Variants in CNTN1 observed in about 807,000 individuals in gnomAD.
The protein encoded by CNTN1 is contactin 1, also known as contactin-1.
In CNTN1, 38 loss-of-function variants were observed where a neutral mutation model predicts 126.4. That is an observed-to-expected ratio of 0.30 (90% CI 0.23 to 0.39). CNTN1 has a LOEUF of 0.39. CNTN1 is among the 10% of genes least tolerant of loss of function. The pLI is 1.00. For synonymous variants in CNTN1, 413 were observed against 422.6 expected, an observed-to-expected ratio of 0.98 and a Z score of 0.28; for missense variants, 1,009 against 1,248.4, an observed-to-expected ratio of 0.81 and a Z score of 2.89.
At chr12:40,921,378 A>C (rs1475165629) in intron 4 of CNTN1, among the ~76,000 whole-genome samples, 4 of 152,160 alleles carry the variant, frequency 2.6e-5, no homozygotes, top group African/African-American at 9.7e-5. Flanking sequence ...TTAAAGGATA[A>C]ACCCTGATAA....
chr12:40,838,587 C>T (rs1045986431), intron 1 of CNTN1, among the ~76,000 whole-genome samples: 1 of 152,282 alleles, frequency 6.6e-6, no homozygotes, highest in Admixed American at 6.5e-5. Flanking sequence ...ACTGGCCCAC[C>T]TGATATCCTA....
At chr12:40,913,131 A>G (rs998535483) in intron 3 of CNTN1, among the ~76,000 whole-genome samples, 4 of 152,218 alleles carry the variant, frequency 2.6e-5, no homozygotes, top group African/African-American at 2.4e-5. Context: ...TAACCTGACT[A>G]TATTCTTTAT....
intron 1 of CNTN1, among the ~76,000 whole-genome samples, chr12:40,735,071 A>G (rs1942587248): frequency 6.6e-6 from 1 of 152,122 alleles, no homozygotes; most frequent in Non-Finnish European, 1.5e-5. Context: ...TGGGTTGACT[A>G]TTTAAATCAT....
In CNTN1 at chr12:40,780,277, G is replaced by C. The variant is rs193092818; in HGVS notation, c.-77+87685G>C. The stretch of plus-strand genomic sequence containing the variant: ...CTACCCAAGATGGGCATCCTGGGAG[G>C]ATGACAGGTGAACTTGTCACATACA... On this transcript the variant is annotated intron_variant, in intron 1 of 23. Transcript: ENST00000551295. Among the ~76,000 whole-genome samples the C allele has an allele frequency of 4.3e-4, 66 of 151,998 alleles. 1 individual carries two copies. The East Asian group carries it at 0.013, about 29-fold the overall frequency.
chr12:40,887,229 C>A (rs1944069820), intron 1 of CNTN1, among the ~76,000 whole-genome samples: 1 of 151,958 alleles, frequency 6.6e-6, no homozygotes, highest in South Asian at 2.1e-4. Flanking sequence ...TTGTTTGTAT[C>A]CTCTTTTATT....
intron 23 of CNTN1, among the ~76,000 whole-genome samples, chr12:41,066,295 T>TA (rs2121143693): frequency 6.6e-6 from 1 of 152,248 alleles, no homozygotes; most frequent in Non-Finnish European, 1.5e-5. Context: ...TCCTAGAAGT[T>TA]AGAGAGATTA....
chr12:40,700,579 T>C (rs957216932), intron 1 of CNTN1, among the ~76,000 whole-genome samples: 1 of 151,920 alleles, frequency 6.6e-6, no homozygotes, highest in Non-Finnish European at 1.5e-5. Context: ...TAGTAGACAA[T>C]GTTCAACTTT....
chr12:40,809,649 T>C (rs1020412437), intron 1 of CNTN1, among the ~76,000 whole-genome samples: 1 of 152,074 alleles, frequency 6.6e-6, no homozygotes, highest in Non-Finnish European at 1.5e-5. Context: ...ATGACCTGTC[T>C]CTACTAAAAA....
At chr12:40,809,646 G>A (rs1008986559) in intron 1 of CNTN1, among the ~76,000 whole-genome samples, 1 of 152,048 alleles carries the variant, frequency 6.6e-6, no homozygotes, top group African/African-American at 2.4e-5. Context: ...AGCATGACCT[G>A]TCTCTACTAA....
At chr12:40,846,177 A>G (rs1450765010) in intron 1 of CNTN1, among the ~76,000 whole-genome samples, 1 of 152,098 alleles carries the variant, frequency 6.6e-6, no homozygotes, top group Non-Finnish European at 1.5e-5. Flanking sequence ...AATAAATGGC[A>G]GGGATTGGGG....
At chr12:40,998,673 A>G (rs1948280447) in intron 17 of CNTN1, among the ~76,000 whole-genome samples, 1 of 152,124 alleles carries the variant, frequency 6.6e-6, no homozygotes, top group African/African-American at 2.4e-5. Flanking sequence ...TCAGAATTAT[A>G]TACTTAAGTG....
intron 23 of CNTN1, among the ~76,000 whole-genome samples, chr12:41,032,803 C>T (rs1159994391): frequency 6.6e-6 from 1 of 152,212 alleles, no homozygotes; most frequent in African/African-American, 2.4e-5. Context: ...TATCATGTCT[C>T]TCCATCCTTA....
intron 1 of CNTN1, among the ~76,000 whole-genome samples, chr12:40,847,910 TAAG>T (rs770393791): frequency 2.1e-4 from 32 of 152,316 alleles, no homozygotes; most frequent in Non-Finnish European, 4.6e-4. Context: ...TAGATTCTCA[TAAG>T]AAGCGCACAA....
chr12:40,805,910 G>T (rs755816847), intron 1 of CNTN1, among the ~76,000 whole-genome samples: 1 of 152,082 alleles, frequency 6.6e-6, no homozygotes. Context: ...TTTCTCTAGC[G>T]TGGCCTGATG....
chr12:40,819,929 C>G (rs10784890), intron 1 of CNTN1, among the ~76,000 whole-genome samples: 131,155 of 152,186 alleles, frequency 0.86, 57,303 homozygotes, highest in East Asian at 1. Flanking sequence ...TTCCTTGTGT[C>G]GTTCTCAGGT....
At chr12:40,910,134 A>G in intron 3 of CNTN1, 29 bp downstream of exon 3, 1 of 1,539,812 alleles carries the variant, frequency 6.5e-7, no homozygotes. Flanking sequence ...AGACCTTGTA[A>G]ACATCTTTTC....
intron 17 of CNTN1, among the ~76,000 whole-genome samples, chr12:40,993,853 C>T (rs1388670): frequency 0.25 from 38,719 of 151,842 alleles, 5,364 homozygotes; most frequent in South Asian, 0.35. Context: ...GAGTTACATG[C>T]GAACCACTGA....
At chr12:40,828,642 G>A (rs879819793) in intron 1 of CNTN1, among the ~76,000 whole-genome samples, 1 of 152,142 alleles carries the variant, frequency 6.6e-6, no homozygotes, top group Non-Finnish European at 1.5e-5. Flanking sequence ...GTGGCATCGC[G>A]TTGGCTCAGA....
At chr12:40,805,807 T>C (rs972797499) in intron 1 of CNTN1, among the ~76,000 whole-genome samples, 2 of 152,046 alleles carry the variant, frequency 1.3e-5, no homozygotes, top group African/African-American at 4.8e-5. Flanking sequence ...AAATGAGCAG[T>C]CCCCTTCTAT....
Sources: allele counts gnomAD v4.1 joint callset (sites outside exome capture counted in the v4.1 genomes callset), GRCh38; gene constraint gnomAD v4.1.1; transcripts MANE v1.5; gene names NCBI Gene and HGNC (gene_info 2026-07-23, HGNC 2026-07-21).